ANK1: variants seen among roughly 807,000 people sequenced by gnomAD.
The protein encoded by ANK1 is ankyrin-1.
A neutral mutation model predicts 210.4 loss-of-function variants in ANK1; 51 were observed. The observed-to-expected ratio is 0.24, with a 90% CI of 0.19 to 0.31. The LOEUF (loss-of-function observed/expected upper bound fraction) is 0.31, where lower values mean the gene tolerates loss of function less well. ANK1 is among the 10% of genes least tolerant of loss of function. The pLI, the probability that ANK1 is intolerant of heterozygous loss-of-function variation, is 1.00. For missense variants in ANK1, 2,051 were observed against 2,504.4 expected, an observed-to-expected ratio of 0.82 and a Z score of 3.86; for synonymous variants, 967 against 1,025.9, an observed-to-expected ratio of 0.94 and a Z score of 1.10.
intron 38 of ANK1, among the ~76,000 whole-genome samples, chr8:41,668,935 C>T (rs530859316): frequency 1.1e-4 from 16 of 152,282 alleles, no homozygotes; most frequent in African/African-American, 3.9e-4. Context: ...TCCTTCTGCT[C>T]TCCAGGCCCT....
chr8:41,744,824 C>T (rs944546069), intron 2 of ANK1, among the ~76,000 whole-genome samples: 2 of 152,300 alleles, frequency 1.3e-5, no homozygotes, highest in South Asian at 2.1e-4. Context: ...CGTGAGCCTC[C>T]GCGCCCGATG....
intron 1 of ANK1, among the ~76,000 whole-genome samples, chr8:41,845,363 T>C (rs1809816135): frequency 1.3e-5 from 2 of 148,566 alleles, no homozygotes; most frequent in Admixed American, 1.4e-4. Context: ...CACTCCAGCC[T>C]GGGTGACAGA....
Position 41,703,450 on chromosome 8 carries a change from A to ATTTTTTTT in ANK1, c.2295+583_2295+590dup, listed in dbSNP as rs58196949. 1.0e-3 allele frequency among the ~76,000 whole-genome samples: 60 copies of ATTTTTTTT among 58,814 alleles called. 1 individual carries two copies. The highest frequency in any genetic ancestry group is 5.1e-3 in the African/African-American group (57 of 11,068). 38.6% of individuals were successfully genotyped at this position (58,814 alleles called of 152,430 possible). On this transcript the variant is annotated intron_variant, in intron 20 of 42. Transcript: ENST00000289734. ...TATATATATATATATATATATATAT[A>ATTTTTTTT]TTTTTTTTTTTTTTTTAAGACACAA...
At chr8:41,719,982 G>A (rs1828831028) in intron 9 of ANK1, 124 bp from the exon 10 acceptor site, 3 of 1,186,484 alleles carry the variant, frequency 2.5e-6, no homozygotes, top group African/African-American at 1.5e-5. Flanking sequence ...GTCTCTGGAG[G>A]GAGCTTGGCT....
At chr8:41,698,216 C>T in intron 23 of ANK1, 95 bp from the exon 24 acceptor site, 1 of 1,321,212 alleles carries the variant, frequency 7.6e-7, no homozygotes. Context: ...TCCGGCTTTC[C>T]ACTCCAGAGC....
chr8:41,661,871 G>C lies in ANK1; in HGVS notation c.5544+5C>G. Reference sequence around the variant, plus strand: ...GGGATCCTCCAGGGGCCCCTCTACAGTCACCTCCTCGTGCTCCTGGGCGGC... The same window carrying C: ...GGGATCCTCCAGGGGCCCCTCTACACTCACCTCCTCGTGCTCCTGGGCGGC... On this transcript the variant is annotated splice_donor_5th_base_variant and intron_variant, in intron 41 of 42. Transcript: ENST00000289734. 6.2e-7 allele frequency: 1 copy of C among 1,614,086 alleles called. No homozygotes were observed. The highest frequency in any genetic ancestry group is 8.5e-7 in the Non-Finnish European group (1 of 1,179,966).
rs756175061 is a variant in ANK1, at chr8:41,672,786, G to A, written c.4664C>T (p.Thr1555Met). 28 of 1,603,858 alleles carry A rather than the reference G, an allele frequency of 1.7e-5. No individual in the cohort carries two copies. In the East Asian group the frequency reaches 2.9e-4, roughly 17 times the overall value. ...CATCTCCAGCATGGTGTCATGCTCC[G>A]TGGCCGCCAAGGGGATGGCGTCTAG... The part of the protein sequence containing the change: ...AVLDAIPLAA[T>M]EHDTMLEMSD... Residue 1555 changes from threonine (T) to methionine (M), a missense_variant, in exon 38 of 43, where the codon ACG becomes ATG. By Grantham distance (81) the Thr-to-Met change is moderately conservative. Coordinates refer to ENST00000289734, the MANE Select transcript of ANK1 (RefSeq NM_000037.4).
intron 1 of ANK1, among the ~76,000 whole-genome samples, chr8:41,791,447 CTT>C (rs76900426): frequency 8.4e-5 from 12 of 142,330 alleles, no homozygotes; most frequent in Admixed American, 1.4e-4. Context: ...CTCTTTCTTT[CTT>C]TTTTTTTTTT....
At chr8:41,888,328 C>T (rs1818813932) in intron 1 of ANK1, among the ~76,000 whole-genome samples, 1 of 152,244 alleles carries the variant, frequency 6.6e-6, no homozygotes, top group African/African-American at 2.4e-5. Context: ...CACACGTATA[C>T]ACACGCTTAC....
intron 1 of ANK1, among the ~76,000 whole-genome samples, chr8:41,892,331 G>A (rs1196559120): frequency 6.6e-6 from 1 of 152,104 alleles, no homozygotes; most frequent in Non-Finnish European, 1.5e-5. Flanking sequence ...TGCTGAGAGA[G>A]GAAGGCTGCA....
chr8:41,668,121 T>C (rs537008702), intron 39 of ANK1, 146 bp downstream of exon 39: 2 of 1,212,044 alleles, frequency 1.7e-6, no homozygotes, highest in East Asian at 2.5e-5. Flanking sequence ...CCTTGACTTC[T>C]AGAGAAACGG....
chr8:41,842,382 A>G (rs1809104980), intron 1 of ANK1, among the ~76,000 whole-genome samples: 1 of 152,092 alleles, frequency 6.6e-6, no homozygotes, highest in Admixed American at 6.5e-5. Flanking sequence ...AATCCCAGCT[A>G]CTTGGGAGGC....
intron 39 of ANK1, among the ~76,000 whole-genome samples, chr8:41,666,003 G>C (rs1312965586): frequency 6.6e-6 from 1 of 152,238 alleles, no homozygotes; most frequent in Non-Finnish European, 1.5e-5. Flanking sequence ...TTCTAGATCA[G>C]GTTGTTCCTC....
chr8:41,748,501 C>T (rs572052635), intron 2 of ANK1, among the ~76,000 whole-genome samples: 18 of 152,302 alleles, frequency 1.2e-4, no homozygotes, highest in African/African-American at 3.4e-4. Flanking sequence ...CCAACCTCCC[C>T]GAACTGCCCC....
At chr8:41,762,411 T>C (rs1056047128) in intron 1 of ANK1, among the ~76,000 whole-genome samples, 1 of 152,222 alleles carries the variant, frequency 6.6e-6, no homozygotes, top group African/African-American at 2.4e-5. Flanking sequence ...TCTCTAGCTA[T>C]TGAATTCAGG....
At chr8:41,717,792 A>G (rs1828126420) in intron 11 of ANK1, 90 bp from the exon 12 acceptor site, 2 of 1,232,590 alleles carry the variant, frequency 1.6e-6, no homozygotes, top group East Asian at 2.5e-5. Context: ...CGCTTTCACA[A>G]ATGATTTTCC....
intron 37 of ANK1, among the ~76,000 whole-genome samples, chr8:41,679,201 T>C (rs1019724634): frequency 3.9e-5 from 6 of 152,238 alleles, no homozygotes; most frequent in South Asian, 2.1e-4. Flanking sequence ...TTACTTTTAA[T>C]TGGATGCTGG....
chr8:41,842,173 G>T (rs1260009966), intron 1 of ANK1, among the ~76,000 whole-genome samples: 1 of 152,204 alleles, frequency 6.6e-6, no homozygotes, highest in Non-Finnish European at 1.5e-5. Context: ...GTTGCTCCCT[G>T]ACCAGTGCTG....
intron 1 of ANK1, among the ~76,000 whole-genome samples, chr8:41,836,343 G>A (rs2150801374): frequency 6.6e-6 from 1 of 152,376 alleles, no homozygotes; most frequent in South Asian, 2.1e-4. Context: ...TACATTCATT[G>A]AGCAAGGTTT....
Sources: allele counts gnomAD v4.1 joint callset (sites outside exome capture counted in the v4.1 genomes callset), GRCh38; gene constraint gnomAD v4.1.1; transcripts MANE v1.5; gene names NCBI Gene and HGNC (gene_info 2026-07-23, HGNC 2026-07-21).